RAB1A: variants seen among roughly 807,000 people sequenced by gnomAD.
RAB1A encodes ras-related protein Rab-1A.
RAB1A carries 2 observed loss-of-function variants against 26.0 expected under a neutral mutation model. That is an observed-to-expected ratio of 0.08 (90% CI 0.03 to 0.24). The LOEUF (loss-of-function observed/expected upper bound fraction) is 0.24, where lower values mean the gene tolerates loss of function less well. Ranked by LOEUF, RAB1A falls within the 10% of genes least tolerant of loss-of-function variation. RAB1A has a pLI of 1.00. For synonymous variants in RAB1A, 84 were observed against 84.9 expected, an observed-to-expected ratio of 0.99 and a Z score of 0.06; for missense variants, 100 against 247.0, an observed-to-expected ratio of 0.40 and a Z score of 3.99.
intron 2 of RAB1A, among the ~76,000 whole-genome samples, chr2:65,103,864 C>T (rs572510332): frequency 1.6e-4 from 24 of 152,050 alleles, no homozygotes; most frequent in Non-Finnish European, 2.2e-4. Context: ...CTGCAACCTC[C>T]GCCTCCTGGG....
intron 2 of RAB1A, among the ~76,000 whole-genome samples, chr2:65,101,741 C>CTTTTTTTTT (rs1558579506): frequency 1.5e-5 from 2 of 129,958 alleles, no homozygotes; most frequent in African/African-American, 3.2e-5. Context: ...TGTATTACTT[C>CTTTTTTTTT]CTTTTTTTTT....
intron 2 of RAB1A, among the ~76,000 whole-genome samples, chr2:65,102,089 T>C (rs1669444380): frequency 6.6e-6 from 1 of 152,128 alleles, no homozygotes; most frequent in South Asian, 2.1e-4. Flanking sequence ...TGCTCATGTA[T>C]TTGCCACTAT....
intron 1 of RAB1A, among the ~76,000 whole-genome samples, chr2:65,110,278 A>G (rs1669665098): frequency 6.6e-6 from 1 of 152,058 alleles, no homozygotes; most frequent in African/African-American, 2.4e-5. Flanking sequence ...TGTCTCTACT[A>G]AAAATACAAA....
At chr2:65,114,252 A>G in intron 1 of RAB1A, 1 of 297,254 alleles carries the variant, frequency 3.4e-6, no homozygotes, top group Non-Finnish European at 6.8e-6. Flanking sequence ...ACATTAACCC[A>G]ACTTTCAACA....
chr2:65,100,400 C>CAAAAA (rs34166798), intron 2 of RAB1A, among the ~76,000 whole-genome samples: 18 of 57,950 alleles, frequency 3.1e-4, no homozygotes, highest in African/African-American at 5.6e-4. Context: ...GTCTCTGTCT[C>CAAAAA]AAAAAAAAAA....
chr2:65,126,333 G>C (rs963414275), intron 1 of RAB1A, among the ~76,000 whole-genome samples: 13 of 150,258 alleles, frequency 8.7e-5, no homozygotes, highest in African/African-American at 3.2e-4. Flanking sequence ...AAAAAGAAAA[G>C]AAAACAAAAA....
At position 65,091,203 on chromosome 2, in the gene RAB1A, CATT is replaced by C. The variant is rs1261604223; in HGVS notation, c.193-128_193-126del. ...AGATTATCAGGATGTGATATAGAAA[CATT>C]AGTCCTCAACTCATACCACTAAATT... is the stretch of plus-strand genomic sequence containing the variant. On this transcript the variant is annotated intron_variant, in intron 3 of 5. Coordinates refer to ENST00000409784, the MANE Select transcript of RAB1A (RefSeq NM_004161.5). 1.2e-5 allele frequency: 8 copies of C among 681,194 alleles called. No individual in the cohort carries two copies. The Admixed American group carries it at 2.1e-4, about 18-fold the overall frequency. 42.2% of individuals were successfully genotyped at this position (681,194 alleles called of 1,614,324 possible).
At chr2:65,112,799 CTA>C in intron 1 of RAB1A, among the ~76,000 whole-genome samples, 1 of 152,246 alleles carries the variant, frequency 6.6e-6, no homozygotes, top group East Asian at 1.9e-4. Flanking sequence ...TCAGTTTTTC[CTA>C]TAAGTCAACT....
At chr2:65,105,429 C>T (rs181173643) in intron 1 of RAB1A, 110 of 151,550 alleles carry the variant, frequency 7.3e-4, no homozygotes, top group African/African-American at 2.6e-3. Flanking sequence ...TGCTTGAACC[C>T]AGGAGGCAGA....
intron 2 of RAB1A, among the ~76,000 whole-genome samples, chr2:65,098,836 C>CTTCTTT (rs71401770): frequency 1.4e-4 from 14 of 103,390 alleles, no homozygotes; most frequent in African/African-American, 5.2e-4. Context: ...AACAGTACTT[C>CTTCTTT]TTTTTTTTTT....
rs182211637 is a variant in RAB1A, at chr2:65,110,386, A to G, written c.24-5580T>C. On this transcript the variant is annotated intron_variant, in intron 1 of 5. Coordinates refer to ENST00000409784, the MANE Select transcript of RAB1A (RefSeq NM_004161.5). Reference sequence around the variant, plus strand: ...AACCCGGGAGGTGGAGGTTGCAGTGAGAAGAGATGGCGCTACTGCACTCCA... The same window carrying G: ...AACCCGGGAGGTGGAGGTTGCAGTGGGAAGAGATGGCGCTACTGCACTCCA... Among the ~76,000 whole-genome samples the G allele has an allele frequency of 7.5e-3, 1,126 of 150,684 alleles. 12 individuals are homozygous for G. Among genetic ancestry groups the G allele is most frequent in the African/African-American group, 0.026 (1,068 of 41,076 alleles).
intron 3 of RAB1A, among the ~76,000 whole-genome samples, chr2:65,091,538 T>C (rs568214080): frequency 1.8e-4 from 28 of 152,190 alleles, no homozygotes; most frequent in Admixed American, 1.2e-3. Context: ...GTCTTTTTTT[T>C]CCCCTCTCAA....
chr2:65,130,067 C>G lies in RAB1A; in HGVS notation c.-152G>C. 1 of 852,972 alleles carries G rather than the reference C, an allele frequency of 1.2e-6. No homozygotes were observed. Among genetic ancestry groups the G allele is most frequent in the Non-Finnish European group, 1.9e-6 (1 of 529,366 alleles). The allele number at this position is 852,972 out of a possible 1,614,324, so 52.8% of individuals were successfully genotyped here. A position where few individuals can be genotyped will look rare whatever the true frequency, so the allele number is the denominator to read the frequency against. On this transcript the variant is annotated 5_prime_UTR_variant, in exon 1 of 6. Coordinates refer to ENST00000409784, the MANE Select transcript of RAB1A (RefSeq NM_004161.5). ...CCTACTCCGTCCCCTAGAACACAATCAGCAGCCGCCGCCACTCAGCTATCG... is the reference window on the plus strand; with the variant it reads ...CCTACTCCGTCCCCTAGAACACAATGAGCAGCCGCCGCCACTCAGCTATCG...
At chr2:65,097,392 C>T (rs1669313849) in intron 3 of RAB1A, among the ~76,000 whole-genome samples, 1 of 152,194 alleles carries the variant, frequency 6.6e-6, no homozygotes, top group Non-Finnish European at 1.5e-5. Flanking sequence ...GCTTCGGTCA[C>T]TTGGTTCTAC....
intron 1 of RAB1A, among the ~76,000 whole-genome samples, chr2:65,123,551 A>G (rs1465070946): frequency 6.6e-6 from 1 of 151,978 alleles, no homozygotes; most frequent in Non-Finnish European, 1.5e-5. Context: ...GCCAAGTAGA[A>G]GCCAGGCGCG....
At chr2:65,123,695 A>G (rs1441925031) in intron 1 of RAB1A, among the ~76,000 whole-genome samples, 1 of 151,894 alleles carries the variant, frequency 6.6e-6, no homozygotes, top group Non-Finnish European at 1.5e-5. Context: ...GTGTGGTGGC[A>G]CACACCTGTA....
At position 65,114,272 on chromosome 2, in the gene RAB1A, T is replaced by C. The variant is rs150508213; in HGVS notation, c.24-9466A>G. 516 of 256,924 alleles carry C rather than the reference T, an allele frequency of 2.0e-3. 2 individuals are homozygous for C. Among genetic ancestry groups the C allele is most frequent in the African/African-American group, 0.011 (487 of 44,642 alleles). 15.9% of individuals were successfully genotyped at this position (256,924 alleles called of 1,614,324 possible). On this transcript the variant is annotated intron_variant, in intron 1 of 5. Coordinates refer to ENST00000409784, the MANE Select transcript of RAB1A (RefSeq NM_004161.5). ...AACCCAACTTTCAACATTCCACCCT[T>C]TGGAAACATGCTAAGGAAGAAAAAA...
chr2:65,103,299 C>CCAAAAAAAAAAAAAAAAAAA (rs1280376062), intron 2 of RAB1A, among the ~76,000 whole-genome samples: 1 of 44,106 alleles, frequency 2.3e-5, no homozygotes, highest in African/African-American at 7.7e-5. Context: ...GAATCTGTCT[C>CCAAAAAAAAAAAAAAAAAAA]AAAAAAAAAA....
At chr2:65,096,798 G>A (rs1669296494) in intron 3 of RAB1A, among the ~76,000 whole-genome samples, 1 of 152,146 alleles carries the variant, frequency 6.6e-6, no homozygotes, top group Non-Finnish European at 1.5e-5. Flanking sequence ...TGTAAGAAAA[G>A]GGAGCAACTT....
Sources: gnomAD v4.1 joint callset for allele counts (sites outside exome capture counted in the v4.1 genomes callset) on GRCh38, gnomAD v4.1.1 for gene constraint, MANE v1.5 for transcripts, NCBI Gene and HGNC (gene_info 2026-07-23, HGNC 2026-07-21) for gene names.